PRKN: variants seen among roughly 807,000 people sequenced by gnomAD.
PRKN encodes the protein E3 ubiquitin-protein ligase parkin.
In PRKN, 56 loss-of-function variants were observed where a neutral mutation model predicts 59.5. That is an observed-to-expected ratio of 0.94 (90% CI 0.76 to 1.18). PRKN has a LOEUF of 1.18. Among genes scored for constraint, PRKN ranks in the 50% most tolerant of loss-of-function variants. PRKN has a pLI of 0.00. For synonymous variants in PRKN, 250 were observed against 222.1 expected (o/e 1.13, Z -1.12); for missense variants, 657 against 596.4 (o/e 1.10, Z -1.06).
In PRKN at chr6:161,352,197, A is replaced by G. The variant is rs1279721657; in HGVS notation, c.1286-1986T>C. On this transcript the variant is annotated intron_variant, in intron 11 of 11. Transcript: ENST00000366898. This position sits in a 1 kb window ranked among gnomAD's most constrained non-coding sequence, Gnocchi z 5.8. ...TTTTTCCTGCCAAATTTTCCAAGTA[A>G]TTGGTTCGGTGCTGTCTCACTTTTA... Among the ~76,000 whole-genome samples the G allele has an allele frequency of 5.9e-5, 9 of 152,178 alleles. No individual in the cohort carries two copies. The highest frequency in any genetic ancestry group is 5.2e-4 in the Admixed American group (8 of 15,276).
intron 5 of PRKN, among the ~76,000 whole-genome samples, chr6:162,031,335 C>T (rs984882996): frequency 2.0e-5 from 3 of 151,962 alleles, no homozygotes; most frequent in Admixed American, 2.0e-4. Context: ...TGTCCATCTG[C>T]TGCTGTGGGT....
chr6:162,516,083 C>T (rs9356031), intron 1 of PRKN, among the ~76,000 whole-genome samples: 31,001 of 152,160 alleles, frequency 0.2, 3,564 homozygotes, highest in East Asian at 0.5. Context: ...GCAGCCCTCC[C>T]TCCCAGTCGC....
At chr6:161,435,513 TA>T (rs1210564929) in intron 9 of PRKN, among the ~76,000 whole-genome samples, 5 of 151,992 alleles carry the variant, frequency 3.3e-5, no homozygotes, top group African/African-American at 1.2e-4. Flanking sequence ...ATTGGCGCAT[TA>T]AAAAAATAAA....
intron 7 of PRKN, among the ~76,000 whole-genome samples, chr6:161,728,113 T>C (rs771371257): frequency 7.9e-5 from 12 of 152,108 alleles, no homozygotes; most frequent in Non-Finnish European, 1.6e-4. Flanking sequence ...GCTTTGACAA[T>C]ACTTTGCATG....
At chr6:161,597,120 A>T (rs1562549894) in intron 7 of PRKN, among the ~76,000 whole-genome samples, 1 of 152,156 alleles carries the variant, frequency 6.6e-6, no homozygotes, top group Non-Finnish European at 1.5e-5. Context: ...TTTGGATTCC[A>T]GGGTGATGAG....
At chr6:162,463,264 C>A (rs1364852333) in intron 1 of PRKN, among the ~76,000 whole-genome samples, 1 of 152,108 alleles carries the variant, frequency 6.6e-6, no homozygotes, top group Non-Finnish European at 1.5e-5. Flanking sequence ...AATACAACCA[C>A]AATTATACTC....
At chr6:162,495,098 A>G (rs1173483650) in intron 1 of PRKN, among the ~76,000 whole-genome samples, 1 of 152,216 alleles carries the variant, frequency 6.6e-6, no homozygotes, top group Non-Finnish European at 1.5e-5. Flanking sequence ...GACATCATAC[A>G]ATAGAGCTAT....
intron 2 of PRKN, among the ~76,000 whole-genome samples, chr6:162,280,758 CT>C (rs1363013459): frequency 1.6e-5 from 2 of 123,182 alleles, no homozygotes; most frequent in Non-Finnish European, 3.1e-5. Flanking sequence ...GATGACGCCA[CT>C]GTATTCCAGC....
In PRKN at chr6:162,062,850, C is replaced by T. The variant is rs1031539471; in HGVS notation, c.535-8676G>A. Among the ~76,000 whole-genome samples, 3 of 152,026 alleles carry T rather than the reference C, an allele frequency of 2.0e-5. No individual in the cohort carries two copies. The East Asian group carries it at 5.8e-4, about 29-fold the overall frequency. On this transcript the variant is annotated intron_variant, in intron 4 of 11. Transcript: ENST00000366898. ...ACGTTGTTATGTACTTGTCAGAACT[C>T]CTCAAATTGTACCCTTCAAATAGAG...
rs562849146 is a variant in PRKN at position 161,654,764 on chromosome 6, G to A, written c.872-85348C>T. On this transcript the variant is annotated intron_variant, in intron 7 of 11. Coordinates refer to ENST00000366898, the MANE Select transcript of PRKN (RefSeq NM_004562.3). ...TGGCGAAAGGTCACCTGTCTCCCAC[G>A]GAGGCATGGCTTCCCATGGAGAGAA... Among the ~76,000 whole-genome samples the A allele has an allele frequency of 2.2e-3, 331 of 152,248 alleles. 2 individuals carry two copies. The highest frequency in any genetic ancestry group is 7.0e-3 in the African/African-American group (290 of 41,550).
intron 1 of PRKN, among the ~76,000 whole-genome samples, chr6:162,660,405 T>A (rs936869779): frequency 1.3e-5 from 2 of 152,202 alleles, no homozygotes; most frequent in Admixed American, 1.3e-4. Context: ...TGTTTCACCA[T>A]CACACTGTGT....
intron 7 of PRKN, among the ~76,000 whole-genome samples, chr6:161,622,572 C>T (rs1782946531): frequency 6.6e-6 from 1 of 152,194 alleles, no homozygotes; most frequent in Admixed American, 6.5e-5. Context: ...GTCATGGACA[C>T]AGGTCTTCCC....
intron 1 of PRKN, among the ~76,000 whole-genome samples, chr6:162,507,154 T>C (rs1299545199): frequency 6.6e-6 from 1 of 152,164 alleles, no homozygotes. Context: ...CATCCATTCC[T>C]CTTTCCCCTC....
At position 161,401,567 on chromosome 6, in the gene PRKN, T is replaced by C. The variant is rs1056323399; in HGVS notation, c.1084-14690A>G. ...GGCGGAGGCTGCAGTGAGCCGAGAT[T>C]GTGCCACTGCACTCCATCTTGGGCG... is the stretch of plus-strand genomic sequence containing the variant. On this transcript the variant is annotated intron_variant, in intron 9 of 11. Coordinates refer to ENST00000366898, the MANE Select transcript of PRKN (RefSeq NM_004562.3). This position sits in a 1 kb window ranked among gnomAD's most constrained non-coding sequence, Gnocchi z 4.4. Among the ~76,000 whole-genome samples the C allele has an allele frequency of 6.6e-6, 1 of 151,980 alleles. No homozygotes were observed. Among genetic ancestry groups the C allele is most frequent in the Non-Finnish European group, 1.5e-5 (1 of 67,988 alleles).
intron 2 of PRKN, among the ~76,000 whole-genome samples, chr6:162,289,048 TAGGATGGCAGTAATCA>T (rs1781315986): frequency 6.6e-6 from 1 of 152,120 alleles, no homozygotes; most frequent in South Asian, 2.1e-4. Flanking sequence ...ATGGGTTTCC[TAGGATGGCAGTAATCA>T]AGTACCACAA....
At chr6:161,646,045 TGGA>T (rs1178764782) in intron 7 of PRKN, among the ~76,000 whole-genome samples, 2 of 64,420 alleles carry the variant, frequency 3.1e-5, no homozygotes, top group African/African-American at 1.1e-4. Flanking sequence ...GCATGCGTGG[TGGA>T]GGAGGCGGCG....
intron 7 of PRKN, among the ~76,000 whole-genome samples, chr6:161,680,775 A>ATTTTTTTTTTTT (rs869253616): frequency 7.2e-4 from 22 of 30,628 alleles, no homozygotes; most frequent in African/African-American, 1.6e-3. Context: ...ATATATATAT[A>ATTTTTTTTTTTT]TTTTTTTTTT....
intron 1 of PRKN, among the ~76,000 whole-genome samples, chr6:162,588,908 G>T (rs980077902): frequency 6.6e-6 from 1 of 152,108 alleles, no homozygotes; most frequent in Non-Finnish European, 1.5e-5. Flanking sequence ...CTTCTGGGTG[G>T]CACCTGGCAC....
At chr6:162,504,902 G>A (rs893428417) in intron 1 of PRKN, among the ~76,000 whole-genome samples, 1 of 152,190 alleles carries the variant, frequency 6.6e-6, no homozygotes, top group African/African-American at 2.4e-5. Context: ...GCAGGGCACA[G>A]AGGAGGTAAC....
Sources: gnomAD v4.1 joint callset for allele counts (sites outside exome capture counted in the v4.1 genomes callset) on GRCh38, gnomAD v4.1.1 for gene constraint, Gnocchi (gnomAD v3.1) non-coding constraint, MANE v1.5 for transcripts, NCBI Gene and HGNC (gene_info 2026-07-23, HGNC 2026-07-21) for gene names.